Variants in XKR9 observed in about 807,000 individuals in gnomAD.
XKR9 encodes the protein XK-related protein 9.
In XKR9, 32 loss-of-function variants were observed where a neutral mutation model predicts 32.0. That is an observed-to-expected ratio of 1.00 (90% CI 0.76 to 1.34). XKR9 has a LOEUF of 1.34. Ranked by LOEUF, XKR9 falls within the 40% of genes most tolerant of loss-of-function variation. The pLI, the probability that XKR9 is intolerant of heterozygous loss-of-function variation, is 0.00. For synonymous variants in XKR9, 168 were observed against 143.4 expected (o/e 1.17, Z -1.22); for missense variants, 546 against 429.7 (o/e 1.27, Z -2.39).
At chr8:70,724,430 GA>G (rs35676207) in intron 4 of XKR9, among the ~76,000 whole-genome samples, 62,560 of 142,926 alleles carry the variant, frequency 0.44, 13,975 homozygotes, top group Middle Eastern at 0.57. Context: ...ACTGGGGTAG[GA>G]AAAAAAAAAA....
the XKR9 span, among the ~76,000 whole-genome samples, chr8:71,052,729 A>G: frequency 6.6e-6 from 1 of 152,036 alleles, no homozygotes; most frequent in Non-Finnish European, 1.5e-5. Flanking sequence ...CACCACTCCA[A>G]AGGCACAGTA....
the XKR9 span, among the ~76,000 whole-genome samples, chr8:70,892,006 C>A: frequency 1.3e-5 from 2 of 151,990 alleles, no homozygotes; most frequent in Admixed American, 6.6e-5. Flanking sequence ...CATTATTATA[C>A]AATGACCTTT....
chr8:70,675,437 T>C (rs1035185406), intron 2 of XKR9, among the ~76,000 whole-genome samples: 1 of 152,202 alleles, frequency 6.6e-6, no homozygotes, highest in African/African-American at 2.4e-5. Flanking sequence ...CTTAAAGTCC[T>C]CTTCTGAAGA....
At chr8:70,881,125 T>C in the XKR9 span, among the ~76,000 whole-genome samples, 1 of 152,144 alleles carries the variant, frequency 6.6e-6, no homozygotes, top group South Asian at 2.1e-4. Flanking sequence ...TAATTCAAGA[T>C]GGATTAAAGA....
chr8:70,815,509 T>TTTTATTTATTTATTTA, the XKR9 span, among the ~76,000 whole-genome samples: 13,542 of 141,720 alleles, frequency 0.096, 815 homozygotes, highest in African/African-American at 0.13. Context: ...CATTCCTTTA[T>TTTTATTTATTTATTTA]TTTATTTATT....
chr8:71,039,976 T>A, the XKR9 span, among the ~76,000 whole-genome samples: 1 of 152,182 alleles, frequency 6.6e-6, no homozygotes, highest in Non-Finnish European at 1.5e-5. Context: ...AAGCCCTATA[T>A]CTTTTAAATT....
At chr8:70,755,826 G>A (rs1033309669) in intron 2 of XKR9, among the ~76,000 whole-genome samples, 1 of 151,208 alleles carries the variant, frequency 6.6e-6, no homozygotes, top group South Asian at 2.1e-4. Flanking sequence ...CGAGTTAATG[G>A]GTGCAGCACA....
chr8:70,759,923 G>T (rs1170338305), intron 2 of XKR9, among the ~76,000 whole-genome samples: 1 of 152,184 alleles, frequency 6.6e-6, no homozygotes, highest in Non-Finnish European at 1.5e-5. Context: ...TGAAGACATT[G>T]TTCTAGAGGG....
Position 70,755,254 on chromosome 8 carries a change from A to G in XKR9, n.353-34085A>G, listed in dbSNP as rs970367074. 9.2e-5 allele frequency among the ~76,000 whole-genome samples: 14 copies of G among 152,306 alleles called. No homozygotes were observed. In the East Asian group the frequency reaches 2.5e-3, roughly 27 times the overall value. On this transcript the variant is annotated intron_variant and non_coding_transcript_variant, in intron 2 of 3. Transcript: ENST00000520273. ...GAGTGGCAATCATTAAAAAGTCAGG[A>G]AACAACAGGTGCTGGAGAGGATGTG...
At chr8:71,054,397 C>G in the XKR9 span, among the ~76,000 whole-genome samples, 1 of 152,164 alleles carries the variant, frequency 6.6e-6, no homozygotes, top group Non-Finnish European at 1.5e-5. Flanking sequence ...GGGAACCAAT[C>G]CTTTTGGCCA....
At chr8:70,873,512 C>A in the XKR9 span, among the ~76,000 whole-genome samples, 23 of 152,304 alleles carry the variant, frequency 1.5e-4, no homozygotes, top group African/African-American at 5.3e-4. Context: ...TCATGGTTGA[C>A]TTTCAGGGAT....
At chr8:70,807,922 A>T in the XKR9 span, among the ~76,000 whole-genome samples, 1 of 152,218 alleles carries the variant, frequency 6.6e-6, no homozygotes, top group East Asian at 1.9e-4. Flanking sequence ...TCTAATAGAC[A>T]TCTACAGAAC....
At chr8:70,976,725 G>A in the XKR9 span, among the ~76,000 whole-genome samples, 1 of 152,090 alleles carries the variant, frequency 6.6e-6, no homozygotes, top group Non-Finnish European at 1.5e-5. Context: ...GGATGATGCT[G>A]GCCCCATAAA....
At chr8:71,055,233 C>T in the XKR9 span, among the ~76,000 whole-genome samples, 1 of 152,110 alleles carries the variant, frequency 6.6e-6, no homozygotes, top group African/African-American at 2.4e-5. Flanking sequence ...TCTGAAGGTG[C>T]TGTGTCTCCC....
intron 2 of XKR9, among the ~76,000 whole-genome samples, chr8:70,787,961 T>G (rs1807710444): frequency 6.6e-6 from 1 of 152,084 alleles, no homozygotes; most frequent in Non-Finnish European, 1.5e-5. Context: ...CATAGTATCA[T>G]TTGTGACTAA....
At chr8:70,925,206 A>G in the XKR9 span, among the ~76,000 whole-genome samples, 2 of 152,206 alleles carry the variant, frequency 1.3e-5, no homozygotes, top group Non-Finnish European at 2.9e-5. Flanking sequence ...ACTTAAATTT[A>G]TCTCCTACGA....
the XKR9 span, among the ~76,000 whole-genome samples, chr8:70,869,025 A>G: frequency 9.2e-5 from 14 of 152,166 alleles, no homozygotes; most frequent in African/African-American, 3.4e-4. Context: ...CCAGTTCCCA[A>G]CAAGTTCCTC....
chr8:70,990,187 A>T, the XKR9 span, among the ~76,000 whole-genome samples: 1 of 152,216 alleles, frequency 6.6e-6, no homozygotes, highest in Non-Finnish European at 1.5e-5. Context: ...ATAATCAAGT[A>T]AAATAATGCC....
At chr8:70,941,294 C>A in the XKR9 span, among the ~76,000 whole-genome samples, 1 of 152,004 alleles carries the variant, frequency 6.6e-6, no homozygotes, top group Non-Finnish European at 1.5e-5. Flanking sequence ...TAGCATGTAT[C>A]AACCTTAATT....
Sources: gnomAD v4.1 joint callset for allele counts (sites outside exome capture counted in the v4.1 genomes callset) on GRCh38, gnomAD v4.1.1 for gene constraint, MANE v1.5 for transcripts, NCBI Gene and HGNC (gene_info 2026-07-23, HGNC 2026-07-21) for gene names.